The following ADNP2 variants were observed in gnomAD, a reference collection of about 807,000 sequenced individuals.
The protein encoded by ADNP2 is activity-dependent neuroprotector homeobox protein 2.
In ADNP2, 8 loss-of-function variants were observed where a neutral mutation model predicts 16.4. That is an observed-to-expected ratio of 0.49 (90% CI 0.29 to 0.88). ADNP2 has a LOEUF of 0.88. ADNP2 is among the 40% of genes least tolerant of loss of function. ADNP2 has a pLI of 0.09. For missense variants in ADNP2, 1,397 were observed against 1,395.1 expected, an observed-to-expected ratio of 1.00 and a Z score of -0.02; for synonymous variants, 637 against 545.8, an observed-to-expected ratio of 1.17 and a Z score of -2.33.
intron 2 of ADNP2, among the ~76,000 whole-genome samples, chr18:80,126,013 T>C (rs1359534446): frequency 1.3e-5 from 2 of 152,180 alleles, no homozygotes; most frequent in African/African-American, 2.4e-5. Context: ...AATGTGATTA[T>C]TGATATGGTT....
rs562485882 is a variant in ADNP2 at position 80,123,621 on chromosome 18, G to A, written c.108+5971G>A. Among the ~76,000 whole-genome samples, 133 of 152,170 alleles carry A rather than the reference G, an allele frequency of 8.7e-4. 1 individual carries two copies. The South Asian group carries it at 0.02, about 23-fold the overall frequency. ...CGACCTCAGGTGATCTGCCCGCCTCGGCCTCCCAAAGTGCTGGGATTACAG... is the reference window on the plus strand; with the variant it reads ...CGACCTCAGGTGATCTGCCCGCCTCAGCCTCCCAAAGTGCTGGGATTACAG... On this transcript the variant is annotated intron_variant, in intron 2 of 3. Coordinates refer to ENST00000262198, the MANE Select transcript of ADNP2 (RefSeq NM_014913.4).
At chr18:80,109,712 GC>G (rs1410797335) in intron 1 of ADNP2, 1 of 150,660 alleles carries the variant, frequency 6.6e-6, no homozygotes, top group Non-Finnish European at 1.5e-5. Flanking sequence ...GGCCCGCCCC[GC>G]CCGCCGCCGG....
Position 80,137,624 on chromosome 18 carries a change from A to T in ADNP2, c.2211A>T (p.Pro737=). The change falls in exon 4 of 4, where the codon CCA becomes CCT. Residue 737 remains proline (P), a synonymous_variant. Transcript: ENST00000262198. This position sits in a 1 kb window ranked among gnomAD's most constrained non-coding sequence, Gnocchi z 4.2. ...CTGAAAAACTGGCAGCGTGTGCACC[A>T]TTTCTAAAGTGGATGAGAGAGAAAA... is the stretch of plus-strand genomic sequence containing the variant. ...LEPEKLAACA[P]FLKWMREKTV... 6.2e-7 allele frequency: 1 copy of T among 1,614,200 alleles called. No homozygotes were observed. The highest frequency in any genetic ancestry group is 8.5e-7 in the Non-Finnish European group (1 of 1,180,034).
chr18:80,132,609 CTTTCTCTTTCTTT>C (rs1247733195), intron 2 of ADNP2, among the ~76,000 whole-genome samples: 3 of 151,700 alleles, frequency 2.0e-5, no homozygotes, highest in African/African-American at 7.3e-5. Flanking sequence ...TTCTCTTTCT[CTTTCTCTTTCTTT>C]TTTCTCTTTC....
rs527872083 is a variant in ADNP2, at chr18:80,136,847, T to C, written c.1434T>C (p.Thr478=). The change falls in exon 4 of 4, where the codon ACT becomes ACC. Residue 478 remains threonine, a synonymous_variant. Coordinates refer to ENST00000262198, the MANE Select transcript of ADNP2 (RefSeq NM_014913.4). ...GQTATSGVLP[T]GQMVQSGVLP... ...CAGCAACTTCTGGGGTTCTTCCTACTGGCCAGATGGTCCAGTCAGGAGTTC... is the reference window on the plus strand; with the variant it reads ...CAGCAACTTCTGGGGTTCTTCCTACCGGCCAGATGGTCCAGTCAGGAGTTC... The C allele has an allele frequency of 6.2e-7, 1 of 1,613,968 alleles. No individual in the cohort carries two copies. The highest frequency in any genetic ancestry group is 1.3e-5 in the African/African-American group (1 of 74,992).
chr18:80,132,597 T>TTTTCTC (rs770652027), intron 2 of ADNP2, among the ~76,000 whole-genome samples: 7 of 151,914 alleles, frequency 4.6e-5, no homozygotes, highest in Admixed American at 1.3e-4. Context: ...CCTTCCTCTC[T>TTTTCTC]TTTCTCTTTC....
chr18:80,125,225 T>C (rs2052450198), intron 2 of ADNP2, among the ~76,000 whole-genome samples: 1 of 152,180 alleles, frequency 6.6e-6, no homozygotes, highest in Non-Finnish European at 1.5e-5. Flanking sequence ...GCTGTTATTG[T>C]AAATACAGTT....
Position 80,140,093 on chromosome 18 carries a change from C to A in ADNP2, c.*1284C>A, listed in dbSNP as rs549020353. On this transcript the variant is annotated 3_prime_UTR_variant, in exon 4 of 4. Transcript: ENST00000262198. ...GGTACACAGCAGAGGAACCCCTTCA[C>A]TCTATCTTTAGGTAGAAATATTTGG... The A allele has an allele frequency of 6.6e-6, 1 of 152,186 alleles. No homozygotes were observed. 9.4% of individuals were successfully genotyped at this position (152,186 alleles called of 1,614,324 possible).
intron 2 of ADNP2, among the ~76,000 whole-genome samples, chr18:80,129,261 G>C (rs528397445): frequency 6.6e-6 from 1 of 151,506 alleles, no homozygotes; most frequent in Non-Finnish European, 1.5e-5. Context: ...CCGCCACCAC[G>C]CCCAGCTAGT....
At chr18:80,115,399 G>T (rs1425039161) in intron 1 of ADNP2, among the ~76,000 whole-genome samples, 2 of 152,122 alleles carry the variant, frequency 1.3e-5, no homozygotes, top group East Asian at 3.9e-4. Flanking sequence ...AGCCCTAGTT[G>T]TGCCCACTGC....
At chr18:80,120,338 T>TC (rs200607854) in intron 2 of ADNP2, among the ~76,000 whole-genome samples, 49 of 150,926 alleles carry the variant, frequency 3.2e-4, no homozygotes, top group African/African-American at 9.0e-4. Flanking sequence ...TCTTTTCTTT[T>TC]TTTTTTTTTT....
chr18:80,130,106 TC>T (rs1700137963), intron 2 of ADNP2, among the ~76,000 whole-genome samples: 1 of 152,198 alleles, frequency 6.6e-6, no homozygotes, highest in Non-Finnish European at 1.5e-5. Context: ...TCCTGTGACT[TC>T]GTGTGTTTGG....
intron 2 of ADNP2, among the ~76,000 whole-genome samples, chr18:80,127,543 C>G (rs552745470): frequency 6.6e-6 from 1 of 152,050 alleles, no homozygotes; most frequent in Admixed American, 6.5e-5. Context: ...TCTCTCGTTG[C>G]GTTCATGTTG....
chr18:80,126,860 TCCA>T (rs2052462424), intron 2 of ADNP2, among the ~76,000 whole-genome samples: 2 of 152,216 alleles, frequency 1.3e-5, no homozygotes, highest in African/African-American at 2.4e-5. Flanking sequence ...AGTTTTGCTC[TCCA>T]CAGTCAACCA....
chr18:80,136,287 T>C lies in ADNP2; in HGVS notation c.874T>C (p.Phe292Leu). 1 of 1,613,654 alleles carries C rather than the reference T, an allele frequency of 6.2e-7. No individual in the cohort carries two copies. The highest frequency in any genetic ancestry group is 8.5e-7 in the Non-Finnish European group (1 of 1,179,538). Residue 292 changes from phenylalanine to leucine, a missense_variant, in exon 4 of 4, where the codon TTC (phenylalanine) becomes CTC (leucine). By Grantham distance (22) the Phe-to-Leu change is conservative. Transcript: ENST00000262198. ...AAGCGCTCCAGCGCAGCCTCCTTGC[T>C]TCCATCTTGCTTTGCCACAGAACAG... ...APSAPAQPPC[F>L]HLALPQNSPS...
intron 2 of ADNP2, among the ~76,000 whole-genome samples, chr18:80,118,431 C>CAA (rs34136413): frequency 5.2e-5 from 7 of 135,038 alleles, no homozygotes; most frequent in African/African-American, 1.9e-4. Flanking sequence ...GACTCTGTCT[C>CAA]AAAAAAAAAA....
Position 80,138,816 on chromosome 18 carries a change from CAAAAAA to C in ADNP2, c.*16_*21del, listed in dbSNP as rs11411000. 6 of 1,227,840 alleles carry C rather than the reference CAAAAAA, an allele frequency of 4.9e-6. No individual in the cohort carries two copies. The African/African-American group carries it at 6.3e-5, about 13-fold the overall frequency. 76.1% of individuals were successfully genotyped at this position (1,227,840 alleles called of 1,614,324 possible). ...CTTTGAATATGAACCATAAAACTTGCAAAAAAAAAAAAAAGTAACTCTAAAGTAGTA... is the reference window on the plus strand; with the variant it reads ...CTTTGAATATGAACCATAAAACTTGCAAAAAAAAGTAACTCTAAAGTAGTA... On this transcript the variant is annotated 3_prime_UTR_variant, in exon 4 of 4. Coordinates refer to ENST00000262198, the MANE Select transcript of ADNP2 (RefSeq NM_014913.4).
intron 1 of ADNP2, among the ~76,000 whole-genome samples, chr18:80,115,689 T>C (rs2052384654): frequency 6.6e-6 from 1 of 152,198 alleles, no homozygotes; most frequent in Non-Finnish European, 1.5e-5. Flanking sequence ...CTCATTCACA[T>C]TGCGTATACA....
At chr18:80,123,321 GC>G (rs941094879) in intron 2 of ADNP2, among the ~76,000 whole-genome samples, 205 of 152,258 alleles carry the variant, frequency 1.3e-3, no homozygotes, top group African/African-American at 4.8e-3. Context: ...TCAGGGAAAT[GC>G]TGTCTTCAAG....
Sources: gnomAD v4.1 joint callset for allele counts (sites outside exome capture counted in the v4.1 genomes callset) on GRCh38, gnomAD v4.1.1 for gene constraint, Gnocchi (gnomAD v3.1) non-coding constraint, MANE v1.5 for transcripts, NCBI Gene and HGNC (gene_info 2026-07-23, HGNC 2026-07-21) for gene names.